The following BCOR variants were observed in gnomAD, a reference collection of about 807,000 sequenced individuals.
BCOR encodes BCL-6 corepressor.
In BCOR, 10 loss-of-function variants were observed where a neutral mutation model predicts 86.7. The ratio of observed to expected loss-of-function variants is 0.12; its 90% CI spans 0.07 to 0.20. The LOEUF (loss-of-function observed/expected upper bound fraction) is 0.20, where lower values mean the gene tolerates loss of function less well. BCOR is among the 10% of genes least tolerant of loss of function. The probability of loss-of-function intolerance (pLI) is 1.00; values close to 1 mark genes in which losing one functional copy is unlikely to be tolerated. For synonymous variants in BCOR, 611 were observed against 609.0 expected (o/e 1.00, Z -0.05); for missense variants, 1,259 against 1,452.1 (o/e 0.87, Z 2.16).
chrX:40,139,402 T>TA (rs1223041932), intron 1 of BCOR, among the ~76,000 whole-genome samples: 1 of 18,311 alleles, frequency 5.5e-5, no homozygotes, highest in Non-Finnish European at 7.7e-5. Flanking sequence ...TACATATATA[T>TA]ATATATATAT....
At position 40,073,210 on chromosome X, in the gene BCOR, C is replaced by T. The variant is rs770443090; in HGVS notation, c.2136G>A (p.Glu712=). The change falls in exon 4 of 15, where the codon GAG becomes GAA. Residue 712 remains glutamate (E), a synonymous_variant. Coordinates refer to ENST00000378444, the MANE Select transcript of BCOR (RefSeq NM_001123385.2). ...LPYGLPTGRP[E]FVTYQDALGL... is the part of the protein sequence containing the mutation. The stretch of plus-strand genomic sequence containing the variant: ...CCAGGGCATCTTGGTAGGTCACAAA[C>T]TCTGGACGGCCGGTGGGAAGCCCAT... 53 of 1,210,917 alleles carry T rather than the reference C, an allele frequency of 4.4e-5. No individual in the cohort carries two copies. The highest frequency in any genetic ancestry group is 1.1e-6 in the Non-Finnish European group (1 of 895,447).
At chrX:40,081,129 C>T (rs1290250915) in intron 1 of BCOR, among the ~76,000 whole-genome samples, 14 of 111,673 alleles carry the variant, frequency 1.3e-4, no homozygotes, top group Non-Finnish European at 2.3e-4. Context: ...TTTAACTCTT[C>T]GGGTTCCTGG....
chrX:40,063,104 G>T, intron 8 of BCOR, 33 bp from the exon 9 acceptor site: 1 of 1,012,513 alleles, frequency 9.9e-7, no homozygotes. Context: ...GGTGGCGGGC[G>T]GATGGGAGAC....
intron 1 of BCOR, among the ~76,000 whole-genome samples, chrX:40,118,557 G>C (rs182142562): frequency 9.0e-6 from 1 of 111,514 alleles, no homozygotes; most frequent in Non-Finnish European, 1.9e-5. Flanking sequence ...GTGAGCCACT[G>C]TGCCCAGCCC....
intron 1 of BCOR, among the ~76,000 whole-genome samples, chrX:40,093,059 G>A (rs1477251640): frequency 1.8e-5 from 2 of 112,336 alleles, no homozygotes; most frequent in African/African-American, 6.5e-5. Context: ...TCTCTGGAAC[G>A]CACTTACAGA....
intron 1 of BCOR, among the ~76,000 whole-genome samples, chrX:40,118,018 T>C (rs1020962257): frequency 8.3e-5 from 7 of 84,249 alleles, no homozygotes; most frequent in Non-Finnish European, 1.3e-4. Flanking sequence ...TCCCTATCTG[T>C]CTTCTCTCTA....
intron 1 of BCOR, among the ~76,000 whole-genome samples, chrX:40,120,341 T>C (rs1301353947): frequency 1.8e-5 from 2 of 111,518 alleles, no homozygotes; most frequent in Admixed American, 9.5e-5. Flanking sequence ...TTCCTCCCCT[T>C]AAAACTGCTT....
At chrX:40,094,259 T>C (rs1936749302) in intron 1 of BCOR, among the ~76,000 whole-genome samples, 1 of 111,762 alleles carries the variant, frequency 8.9e-6, no homozygotes, top group Non-Finnish European at 1.9e-5. Flanking sequence ...CCCCCTCCAG[T>C]CCTTCAGCCG....
intron 1 of BCOR, among the ~76,000 whole-genome samples, chrX:40,127,241 C>CT (rs892082131): frequency 8.0e-5 from 9 of 112,089 alleles, no homozygotes; most frequent in Admixed American, 6.6e-4. Context: ...AGTTCTGAGG[C>CT]TGCCACGTAA....
chrX:40,121,377 A>G (rs1937483781), intron 1 of BCOR, among the ~76,000 whole-genome samples: 1 of 112,124 alleles, frequency 8.9e-6, no homozygotes, highest in Non-Finnish European at 1.9e-5. Context: ...AGTCATCCAG[A>G]CCAGTTTAGT....
At chrX:40,079,689 A>G (rs1461684235) in intron 1 of BCOR, among the ~76,000 whole-genome samples, 1 of 111,806 alleles carries the variant, frequency 8.9e-6, no homozygotes, top group Non-Finnish European at 1.9e-5. Flanking sequence ...CGGCTCTTCC[A>G]GTTGACTAGC....
At chrX:40,176,779 C>A (rs982589360) in intron 1 of BCOR, among the ~76,000 whole-genome samples, 2 of 112,371 alleles carry the variant, frequency 1.8e-5, no homozygotes, top group Non-Finnish European at 3.8e-5. Context: ...GCGCCACCCC[C>A]GCCCGGCCCG....
chrX:40,057,455 T>C lies in BCOR; in HGVS notation c.4429-134A>G. ...GAACCTCTCGGGCGGGCTGTGGATGTCTTGGTGAGGGGGAAACACATGTGC... is the reference window on the plus strand; with the variant it reads ...GAACCTCTCGGGCGGGCTGTGGATGCCTTGGTGAGGGGGAAACACATGTGC... On this transcript the variant is annotated intron_variant, in intron 10 of 14. Transcript: ENST00000378444. 4.5e-6 allele frequency: 3 copies of C among 661,094 alleles called. No individual in the cohort carries two copies. The East Asian group carries it at 1.1e-4, about 23-fold the overall frequency. 54.5% of individuals were successfully genotyped at this position (661,094 alleles called of 1,213,427 possible).
chrX:40,089,781 A>G (rs1936516023), intron 1 of BCOR, among the ~76,000 whole-genome samples: 1 of 111,816 alleles, frequency 8.9e-6, no homozygotes, highest in African/African-American at 3.3e-5. Context: ...AAATCAAATT[A>G]TCTAGATAGA....
intron 1 of BCOR, among the ~76,000 whole-genome samples, chrX:40,150,892 T>C (rs1346279746): frequency 8.9e-6 from 1 of 112,633 alleles, no homozygotes; most frequent in African/African-American, 3.2e-5. Context: ...ACTAGCAAAC[T>C]GCTTCACATC....
chrX:40,071,776 T>C, intron 4 of BCOR, 86 bp from the exon 5 acceptor site: 1 of 653,564 alleles, frequency 1.5e-6, no homozygotes, highest in Non-Finnish European at 2.5e-6. Context: ...TTCTTAACAT[T>C]GCAAAACAAT....
intron 1 of BCOR, among the ~76,000 whole-genome samples, chrX:40,109,565 G>A (rs1937261674): frequency 9.0e-6 from 1 of 111,481 alleles, no homozygotes; most frequent in South Asian, 3.6e-4. Context: ...CGGACTCGGC[G>A]CCGGCCCCGC....
chrX:40,161,851 A>G (rs1275805847), intron 1 of BCOR, among the ~76,000 whole-genome samples: 1 of 111,974 alleles, frequency 8.9e-6, no homozygotes, highest in Admixed American at 9.5e-5. Context: ...CATCAAGTAC[A>G]TAACGGTCTG....
intron 1 of BCOR, among the ~76,000 whole-genome samples, chrX:40,127,828 A>G (rs1385643065): frequency 9.2e-6 from 1 of 108,832 alleles, no homozygotes; most frequent in African/African-American, 3.4e-5. Context: ...AGCTATGATC[A>G]TGCCACTGCG....
Sources: allele counts gnomAD v4.1 joint callset (sites outside exome capture counted in the v4.1 genomes callset), GRCh38; gene constraint gnomAD v4.1.1; transcripts MANE v1.5; gene names NCBI Gene and HGNC (gene_info 2026-07-23, HGNC 2026-07-21).